Variants in NLGN4X observed in about 807,000 individuals in gnomAD.
NLGN4X encodes neuroligin 4 X-linked, also known as neuroligin-4, X-linked.
A neutral mutation model predicts 40.3 loss-of-function variants in NLGN4X; 3 were observed. The observed-to-expected ratio is 0.07, with a 90% confidence interval of 0.03 to 0.19. NLGN4X has a LOEUF of 0.19. Ranked by LOEUF, NLGN4X falls within the 10% of genes least tolerant of loss-of-function variation. The probability of loss-of-function intolerance (pLI) is 1.00; values close to 1 mark genes in which losing one functional copy is unlikely to be tolerated. For missense variants in NLGN4X, 382 were observed against 708.3 expected, an observed-to-expected ratio of 0.54 and a Z score of 5.23; for synonymous variants, 270 against 306.8, an observed-to-expected ratio of 0.88 and a Z score of 1.25.
intron 5 of NLGN4X, among the ~76,000 whole-genome samples, chrX:5,898,782 T>C (rs2031674121): frequency 8.9e-6 from 1 of 112,198 alleles, no homozygotes; most frequent in African/African-American, 3.2e-5. Flanking sequence ...ATCATCTGAG[T>C]GTGTGCTCTG....
intron 1 of NLGN4X, among the ~76,000 whole-genome samples, chrX:6,183,417 G>T (rs1346294329): frequency 9.0e-6 from 1 of 110,671 alleles, no homozygotes; most frequent in African/African-American, 3.3e-5. Context: ...AGTGGTGGTG[G>T]GCGCCTGTAG....
chrX:6,031,407 C>G (rs1846684935), intron 2 of NLGN4X, among the ~76,000 whole-genome samples: 1 of 111,449 alleles, frequency 9.0e-6, no homozygotes, highest in Non-Finnish European at 1.9e-5. Flanking sequence ...CTACTTGAGA[C>G]AGTGACAGCT....
At chrX:5,987,026 T>C (rs1335713891) in intron 3 of NLGN4X, among the ~76,000 whole-genome samples, 1 of 111,757 alleles carries the variant, frequency 8.9e-6, no homozygotes, top group Non-Finnish European at 1.9e-5. Context: ...TGAAAAAGAA[T>C]GTTAATAACA....
In NLGN4X at chrX:6,053,792, C is replaced by G. The variant is rs192974474; in HGVS notation, c.473-24360G>C. 2.4e-3 allele frequency among the ~76,000 whole-genome samples: 268 copies of G among 112,274 alleles called. 1 individual carries two copies. Among genetic ancestry groups the G allele is most frequent in the African/African-American group, 7.7e-3 (239 of 30,924 alleles). ...TTTCAAAATTTTTGAGCTAACTAAG[C>G]CATTCAAAGCAGAAATACTCTATTT... On this transcript the variant is annotated intron_variant, in intron 2 of 5. Coordinates refer to ENST00000381095, the MANE Select transcript of NLGN4X (RefSeq NM_181332.3).
intron 5 of NLGN4X, among the ~76,000 whole-genome samples, chrX:5,895,546 G>A (rs755282561): frequency 6.5e-4 from 72 of 111,120 alleles, no homozygotes; most frequent in Non-Finnish European, 1.1e-3. Context: ...GCATACCACA[G>A]TTTATACTGC....
In NLGN4X at chrX:5,967,513, G is replaced by A. The variant is rs187973934; in HGVS notation, c.626-58274C>T. On this transcript the variant is annotated intron_variant, in intron 3 of 5. Transcript: ENST00000381095. The stretch of plus-strand genomic sequence containing the variant: ...TCTTATAAAATCCTGAGACCACAAA[G>A]CTAAGGAAGGTGGAAGGAATTTAGT... Among the ~76,000 whole-genome samples, 170 of 111,223 alleles carry A rather than the reference G, an allele frequency of 1.5e-3. 2 individuals are homozygous for A. The highest frequency in any genetic ancestry group is 5.4e-3 in the African/African-American group (164 of 30,589).
chrX:6,101,624 G>A (rs1271594314), intron 2 of NLGN4X, among the ~76,000 whole-genome samples: 2 of 110,568 alleles, frequency 1.8e-5, no homozygotes, highest in African/African-American at 6.6e-5. Flanking sequence ...CAAAAAGATT[G>A]AACTCATGTG....
intron 3 of NLGN4X, among the ~76,000 whole-genome samples, chrX:5,942,978 T>C (rs761374178): frequency 3.6e-5 from 4 of 111,562 alleles, no homozygotes; most frequent in Non-Finnish European, 7.5e-5. Context: ...TCTTTGCAGA[T>C]ATAATTAAGG....
chrX:6,179,093 T>C (rs1334422806), intron 1 of NLGN4X, among the ~76,000 whole-genome samples: 1 of 19,990 alleles, frequency 5.0e-5, no homozygotes, highest in Non-Finnish European at 9.4e-5. Flanking sequence ...AGCAAGACCC[T>C]GAAAAAAAGG....
At chrX:5,988,494 C>A (rs977533177) in intron 3 of NLGN4X, among the ~76,000 whole-genome samples, 1 of 111,689 alleles carries the variant, frequency 9.0e-6, no homozygotes, top group Non-Finnish European at 1.9e-5. Context: ...TCAGTAGAAA[C>A]CAGATTACCT....
chrX:6,167,179 C>T (rs1372093812), intron 1 of NLGN4X, among the ~76,000 whole-genome samples: 3 of 110,764 alleles, frequency 2.7e-5, no homozygotes, highest in African/African-American at 9.9e-5. Flanking sequence ...TCCTGTCTTC[C>T]TAGTCATCTC....
intron 2 of NLGN4X, among the ~76,000 whole-genome samples, chrX:6,116,270 G>C (rs1191738863): frequency 6.2e-5 from 4 of 64,295 alleles, no homozygotes; most frequent in Non-Finnish European, 1.1e-4. Flanking sequence ...TCCAGCCTGG[G>C]CGACAGACCG....
Position 6,151,011 on chromosome X carries a change from G to A in NLGN4X, c.456C>T (p.Tyr152=), listed in dbSNP as rs1460330547. The change falls in exon 2 of 6, where the codon TAC becomes TAT. Residue 152 remains tyrosine (Y), a synonymous_variant. Transcript: ENST00000381095. The part of the protein sequence containing the change: ...QNEDCLYLNI[Y]VPTEDDIHDQ... The stretch of plus-strand genomic sequence containing the variant: ...GGTACTCACCATCTTCCGTGGGCAC[G>A]TAGATGTTTAAGTAAAGGCAGTCTT... The A allele has an allele frequency of 9.9e-6, 12 of 1,210,141 alleles. No homozygotes were observed. The South Asian group carries it at 1.1e-4, about 11-fold the overall frequency.
chrX:6,002,867 G>T (rs923144381), intron 3 of NLGN4X, among the ~76,000 whole-genome samples: 1 of 112,058 alleles, frequency 8.9e-6, no homozygotes, highest in Non-Finnish European at 1.9e-5. Flanking sequence ...GAAGTGGCTT[G>T]ACTTCAGAGG....
At chrX:6,095,098 CGTGCGTGT>C (rs1360079782) in intron 2 of NLGN4X, among the ~76,000 whole-genome samples, 5 of 22,258 alleles carry the variant, frequency 2.2e-4, no homozygotes, top group East Asian at 1.0e-3. Flanking sequence ...TAAGTACGTG[CGTGCGTGT>C]GTGTGTGTGT....
intron 1 of NLGN4X, among the ~76,000 whole-genome samples, chrX:6,178,313 G>A (rs1921032540): frequency 8.9e-6 from 1 of 111,741 alleles, no homozygotes; most frequent in Non-Finnish European, 1.9e-5. Context: ...AAATGCCATC[G>A]TGTTCACCCA....
At chrX:6,029,505 A>G in intron 2 of NLGN4X, 73 bp from the exon 3 acceptor site, 1 of 1,041,484 alleles carries the variant, frequency 9.6e-7, no homozygotes, top group Non-Finnish European at 1.3e-6. Context: ...TTAAGAAAAA[A>G]GGAGATTCAC....
intron 3 of NLGN4X, among the ~76,000 whole-genome samples, chrX:5,928,716 C>T (rs1485342715): frequency 1.8e-5 from 2 of 111,676 alleles, no homozygotes; most frequent in African/African-American, 6.5e-5. Context: ...TCATGGAAGC[C>T]CCTTGGTGCC....
chrX:6,047,610 A>G (rs1257237828), intron 2 of NLGN4X, among the ~76,000 whole-genome samples: 2 of 112,545 alleles, frequency 1.8e-5, no homozygotes, highest in East Asian at 5.6e-4. Context: ...TTCCAGAATA[A>G]TTCACAAAAA....
Sources: gnomAD v4.1 joint callset for allele counts (sites outside exome capture counted in the v4.1 genomes callset) on GRCh38, gnomAD v4.1.1 for gene constraint, MANE v1.5 for transcripts, NCBI Gene and HGNC (gene_info 2026-07-23, HGNC 2026-07-21) for gene names.